Variants in DGKB observed in about 807,000 individuals in gnomAD.
DGKB encodes 90 kDa diacylglycerol kinase.
Under a neutral mutation model 114.3 loss-of-function variants are expected in DGKB, and 67 were observed. That is an observed-to-expected ratio of 0.59 (90% CI 0.48 to 0.72). DGKB has a LOEUF of 0.72. Ranked by LOEUF, DGKB falls within the 30% of genes least tolerant of loss-of-function variation. The pLI, the probability that DGKB is intolerant of heterozygous loss-of-function variation, is 0.00. For missense variants in DGKB, 907 were observed against 975.2 expected, an observed-to-expected ratio of 0.93 and a Z score of 0.93; for synonymous variants, 398 against 323.1, an observed-to-expected ratio of 1.23 and a Z score of -2.49.
chr7:14,209,907 T>TA (rs1418850594), intron 23 of DGKB, among the ~76,000 whole-genome samples: 1 of 148,372 alleles, frequency 6.7e-6, no homozygotes, highest in Non-Finnish European at 1.5e-5. Context: ...TTTTTTTTTT[T>TA]AATGTTGAGC....
chr7:14,787,994 G>T (rs1318312926), intron 2 of DGKB, among the ~76,000 whole-genome samples: 1 of 152,240 alleles, frequency 6.6e-6, no homozygotes, highest in East Asian at 1.9e-4. Flanking sequence ...GCCTGGCCAA[G>T]GGCCTGGCTA....
chr7:14,504,309 G>A (rs907206325), intron 20 of DGKB, among the ~76,000 whole-genome samples: 6 of 152,174 alleles, frequency 3.9e-5, no homozygotes, highest in African/African-American at 7.2e-5. Flanking sequence ...ATACCAGCTG[G>A]CTTGGCTGTG....
chr7:14,415,778 A>T (rs1357838744), intron 21 of DGKB, among the ~76,000 whole-genome samples: 3 of 152,156 alleles, frequency 2.0e-5, no homozygotes, highest in Non-Finnish European at 4.4e-5. Context: ...TCCTTTGGGT[A>T]TATACCCAGT....
chr7:14,952,651 G>T (rs747195296), intron 1 of DGKB, among the ~76,000 whole-genome samples: 1 of 152,004 alleles, frequency 6.6e-6, no homozygotes, highest in East Asian at 1.9e-4. Context: ...AGCTACTCAG[G>T]AGGCTGAGAC....
At chr7:14,149,742 C>T (rs1781903659) in intron 25 of DGKB, among the ~76,000 whole-genome samples, 1 of 151,240 alleles carries the variant, frequency 6.6e-6, no homozygotes, top group South Asian at 2.1e-4. Flanking sequence ...GGCTTAATTT[C>T]CAAACAGTCA....
At chr7:14,649,597 A>G (rs1165084936) in intron 13 of DGKB, among the ~76,000 whole-genome samples, 1 of 151,850 alleles carries the variant, frequency 6.6e-6, no homozygotes, top group Non-Finnish European at 1.5e-5. Context: ...CTAACGAGCA[A>G]AATCACCAGC....
chr7:14,797,413 C>G (rs1466195010), intron 2 of DGKB, among the ~76,000 whole-genome samples: 5 of 152,152 alleles, frequency 3.3e-5, no homozygotes, highest in Non-Finnish European at 7.3e-5. Flanking sequence ...AAATAATTCA[C>G]TCACAAATAT....
rs182195557 is a variant in DGKB at position 14,482,034 on chromosome 7, T to C, written c.1771-3809A>G. ...AAGTCTGTGTCCATTTATCTCTGTA[T>C]ATTAAATTGACTGGGTTCAAGACCC... On this transcript the variant is annotated intron_variant, in intron 20 of 25. Coordinates refer to ENST00000402815, the MANE Select transcript of DGKB (RefSeq NM_001350709.2). 1.3e-4 allele frequency among the ~76,000 whole-genome samples: 20 copies of C among 152,166 alleles called. No homozygotes were observed. In the East Asian group the frequency reaches 3.9e-3, roughly 29 times the overall value.
intron 8 of DGKB, among the ~76,000 whole-genome samples, chr7:14,697,104 A>G (rs556400193): frequency 6.6e-6 from 1 of 152,280 alleles, no homozygotes; most frequent in East Asian, 1.9e-4. Flanking sequence ...TTGTGGCCAA[A>G]GTTATGGTTT....
intron 4 of DGKB, among the ~76,000 whole-genome samples, chr7:14,739,667 C>T (rs564898283): frequency 6.6e-6 from 1 of 152,152 alleles, no homozygotes; most frequent in South Asian, 2.1e-4. Flanking sequence ...AAAATGCGAA[C>T]CCAAGAATCT....
At chr7:14,515,602 G>T (rs1418300999) in intron 20 of DGKB, among the ~76,000 whole-genome samples, 1 of 152,098 alleles carries the variant, frequency 6.6e-6, no homozygotes, top group Non-Finnish European at 1.5e-5. Context: ...TCAAGGAAAA[G>T]AAAAAATCAA....
chr7:14,583,121 C>T lies in DGKB; in HGVS notation c.1450G>A (p.Asp484Asn). 6.2e-7 allele frequency: 1 copy of T among 1,611,354 alleles called. No individual in the cohort carries two copies. The highest frequency in any genetic ancestry group is 8.5e-7 in the Non-Finnish European group (1 of 1,178,748). Residue 484 changes from aspartate to asparagine, a missense_variant, in exon 18 of 26, where the codon GAT becomes AAT. Coordinates refer to ENST00000402815, the MANE Select transcript of DGKB (RefSeq NM_001350709.2). ...GCTAACACTCTGAAGTCAGGAACAT[C>T]ACGGAAAAAGTTTAACCTGAAAAAT... ...GPMPGLNFFR[D>N]VPDFRVLACG...
intron 2 of DGKB, among the ~76,000 whole-genome samples, chr7:14,777,465 C>T (rs1461408093): frequency 1.3e-5 from 2 of 152,096 alleles, no homozygotes; most frequent in African/African-American, 2.4e-5. Flanking sequence ...TGGGAGGTAA[C>T]TGAATCATGG....
intron 13 of DGKB, among the ~76,000 whole-genome samples, chr7:14,646,235 A>G (rs1474163624): frequency 6.6e-6 from 1 of 152,214 alleles, no homozygotes; most frequent in Non-Finnish European, 1.5e-5. Context: ...TTTGTATCAG[A>G]CAAAGTAGAC....
chr7:14,481,002 G>C (rs553350906), intron 20 of DGKB, among the ~76,000 whole-genome samples: 71 of 151,156 alleles, frequency 4.7e-4, no homozygotes, highest in Non-Finnish European at 8.7e-4. Flanking sequence ...AACCTATATA[G>C]CTTTATTTTT....
At chr7:14,755,936 C>T (rs1464504367) in intron 3 of DGKB, among the ~76,000 whole-genome samples, 1 of 151,914 alleles carries the variant, frequency 6.6e-6, no homozygotes, top group African/African-American at 2.4e-5. Context: ...AACAATAGAT[C>T]TGTACATTTA....
chr7:14,754,079 A>G (rs1248268276), intron 3 of DGKB, 131 bp from the exon 4 acceptor site: 4 of 578,620 alleles, frequency 6.9e-6, no homozygotes, highest in Non-Finnish European at 9.1e-6. Flanking sequence ...CTAGATCCAT[A>G]GGCCTCAAAA....
intron 25 of DGKB, among the ~76,000 whole-genome samples, chr7:14,168,421 C>T (rs1284309665): frequency 1.3e-5 from 2 of 152,056 alleles, no homozygotes; most frequent in Non-Finnish European, 2.9e-5. Context: ...TGGAGATGTG[C>T]CGATGTGGCA....
chr7:14,151,432 TTTTG>T (rs1039011940), intron 25 of DGKB, among the ~76,000 whole-genome samples: 3 of 151,500 alleles, frequency 2.0e-5, no homozygotes, highest in Non-Finnish European at 2.9e-5. Context: ...GGCATATAAA[TTTTG>T]TTTATGACTA....
Sources: gnomAD v4.1 joint callset for allele counts (sites outside exome capture counted in the v4.1 genomes callset) on GRCh38, gnomAD v4.1.1 for gene constraint, MANE v1.5 for transcripts, NCBI Gene and HGNC (gene_info 2026-07-23, HGNC 2026-07-21) for gene names.